CFLAR: variants seen among roughly 807,000 people sequenced by gnomAD.
CFLAR encodes CASP8 and FADD-like apoptosis regulator.
A neutral mutation model predicts 51.1 loss-of-function variants in CFLAR; 14 were observed. The ratio of observed to expected loss-of-function variants is 0.27; its 90% CI spans 0.18 to 0.43. The LOEUF (loss-of-function observed/expected upper bound fraction) is 0.43. CFLAR is among the 20% of genes least tolerant of loss of function. The pLI, the probability that CFLAR is intolerant of heterozygous loss-of-function variation, is 1.00. For synonymous variants in CFLAR, 210 were observed against 211.6 expected, an observed-to-expected ratio of 0.99 and a Z score of 0.06; for missense variants, 390 against 566.5, an observed-to-expected ratio of 0.69 and a Z score of 3.16.
chr2:201,137,026 A>G (rs1187255458), intron 4 of CFLAR: 5 of 175,568 alleles, frequency 2.8e-5, no homozygotes, highest in Non-Finnish European at 1.2e-5. Context: ...GGTAGCCCAG[A>G]GCTGGGGAAG....
chr2:201,158,804 G>A (rs1307313765), intron 8 of CFLAR, among the ~76,000 whole-genome samples: 1 of 151,630 alleles, frequency 6.6e-6, no homozygotes, highest in Non-Finnish European at 1.5e-5. Flanking sequence ...CAAAATTACA[G>A]TCCTGATAAC....
In CFLAR at chr2:201,166,863, C is replaced by G. The variant is rs547608552; in HGVS notation, c.*2890C>G. Reference sequence around the variant, plus strand: ...CCGCAATGGCAGGCACGCGGCAGGCCGAGGCGGGAGAATCAGGCAGGGAGG... The same window carrying G: ...CCGCAATGGCAGGCACGCGGCAGGCGGAGGCGGGAGAATCAGGCAGGGAGG... On this transcript the variant is annotated 3_prime_UTR_variant, in exon 10 of 10. Coordinates refer to ENST00000309955, the MANE Select transcript of CFLAR (RefSeq NM_003879.7). 1 of 155,654 alleles carries G rather than the reference C, an allele frequency of 6.4e-6. No individual in the cohort carries two copies. The highest frequency in any genetic ancestry group is 2.4e-5 in the African/African-American group (1 of 41,416). The allele number at this position is 155,654 out of a possible 1,614,324, so 9.6% of individuals were successfully genotyped here.
intron 8 of CFLAR, among the ~76,000 whole-genome samples, chr2:201,159,405 G>A (rs1023851163): frequency 2.0e-5 from 3 of 152,052 alleles, no homozygotes; most frequent in Non-Finnish European, 4.4e-5. Context: ...CACCTCCTGG[G>A]TTCAAGCGAT....
chr2:201,166,975 G>GAGA lies in CFLAR; in HGVS notation c.*3002_*3003insAGA, dbSNP rs1559268330. ...GTGGGGAGAGGGAGAAGAGAGGGAG[G>GAGA]GGGAGAGGGCTATTTTTAAAATTTT... On this transcript the variant is annotated 3_prime_UTR_variant, in exon 10 of 10. Transcript: ENST00000309955. The GAGA allele has an allele frequency of 1.3e-5, 2 of 150,346 alleles. No individual in the cohort carries two copies. Among genetic ancestry groups the GAGA allele is most frequent in the Admixed American group, 6.6e-5 (1 of 15,118 alleles). The allele number at this position is 150,346 out of a possible 1,614,324, so 9.3% of individuals were successfully genotyped here. A position where few individuals can be genotyped will look rare whatever the true frequency, so the allele number is the denominator to read the frequency against.
Position 201,138,077 on chromosome 2 carries a change from G to C in CFLAR, c.523+1970G>C. The C allele has an allele frequency of 1.4e-6, 1 of 731,606 alleles. No homozygotes were observed. The highest frequency in any genetic ancestry group is 2.5e-6 in the Non-Finnish European group (1 of 393,574). The allele number at this position is 731,606 out of a possible 1,614,324, so 45.3% of individuals were successfully genotyped here. On this transcript the variant is annotated intron_variant, in intron 4 of 9. Transcript: ENST00000309955. The surrounding 1 kb of genome is among the most constrained non-coding windows in gnomAD (Gnocchi z 4.0). ...TCACTTCCTGGTTGATGTAGATGGA[G>C]CCGCGCAGTCCATGCCCCTGCCCAG...
In CFLAR at chr2:201,167,186, G is replaced by A. The variant is rs932840434; in HGVS notation, c.*3213G>A. On this transcript the variant is annotated 3_prime_UTR_variant, in exon 10 of 10. Coordinates refer to ENST00000309955, the MANE Select transcript of CFLAR (RefSeq NM_003879.7). ...AAAGTGTCGAAGAGACAGTTTTCAG[G>A]AACAACAAGCAATTATTCCTACTTT... is the stretch of plus-strand genomic sequence containing the variant. The A allele has an allele frequency of 6.6e-6, 1 of 152,044 alleles. No homozygotes were observed. Among genetic ancestry groups the A allele is most frequent in the African/African-American group, 2.4e-5 (1 of 41,370 alleles). 9.4% of individuals were successfully genotyped at this position (152,044 alleles called of 1,614,324 possible).
intron 1 of CFLAR, among the ~76,000 whole-genome samples, chr2:201,125,842 T>A (rs754289917): frequency 6.6e-6 from 1 of 152,134 alleles, no homozygotes; most frequent in Non-Finnish European, 1.5e-5. Context: ...CGGAACTTGC[T>A]ACTGGAGGTG....
chr2:201,147,215 G>A (rs566405890), intron 6 of CFLAR, among the ~76,000 whole-genome samples: 1 of 152,166 alleles, frequency 6.6e-6, no homozygotes, highest in Non-Finnish European at 1.5e-5. Context: ...CTTGGACTTG[G>A]TTTATTTGCT....
chr2:201,149,999 T>C, intron 8 of CFLAR, 164 bp downstream of exon 8: 2 of 566,510 alleles, frequency 3.5e-6, no homozygotes, highest in Non-Finnish European at 6.4e-6. Flanking sequence ...TCCAGCACTT[T>C]GTGAGGCTGA....
intron 2 of CFLAR, 41 bp downstream of exon 2, chr2:201,130,187 G>GGGGGGGGGGGGGGGGGCA: frequency 3.1e-5 from 9 of 292,356 alleles, no homozygotes; most frequent in East Asian, 1.9e-4. Context: ...GGGTGGGAGG[G>GGGGGGGGGGGGGGGGGCA]AGTGAAGTGT....
intron 1 of CFLAR, among the ~76,000 whole-genome samples, chr2:201,125,476 A>G (rs2048588209): frequency 6.6e-6 from 1 of 151,968 alleles, no homozygotes; most frequent in Non-Finnish European, 1.5e-5. Flanking sequence ...CTGGAGGTAG[A>G]GAGGATGAAG....
intron 8 of CFLAR, chr2:201,153,090 A>T (rs562478435): frequency 3.3e-5 from 5 of 152,334 alleles, no homozygotes; most frequent in African/African-American, 9.6e-5. Flanking sequence ...GGGCCATTAG[A>T]GGGTACCCTG....
Position 201,149,818 on chromosome 2 carries a change from G to A in CFLAR, c.776G>A (p.Cys259Tyr). The A allele has an allele frequency of 6.2e-7, 1 of 1,613,426 alleles. No homozygotes were observed. Among genetic ancestry groups the A allele is most frequent in the Non-Finnish European group, 8.5e-7 (1 of 1,179,376 alleles). Residue 259 changes from cysteine (C) to tyrosine (Y), a missense_variant, in exon 8 of 10, where the codon TGC (cysteine) becomes TAC (tyrosine). Physicochemically the swap from Cys to Tyr is radical, Grantham distance 194. Transcript: ENST00000309955. ...CTAGGAATCTGCCTGATAATCGATT[G>A]CATTGGCAATGAGACAGGTAGGTGT... Reference protein sequence around the residue: ...KPLGICLIIDCIGNETELLRD... With the variant: ...KPLGICLIIDYIGNETELLRD...
intron 4 of CFLAR, chr2:201,136,558 C>A: frequency 6.8e-7 from 1 of 1,466,994 alleles, no homozygotes; most frequent in South Asian, 1.4e-5. Flanking sequence ...AGAGCACATT[C>A]GATTTCTTCC....
chr2:201,121,399 C>A (rs1238796139), intron 1 of CFLAR, among the ~76,000 whole-genome samples: 1 of 152,144 alleles, frequency 6.6e-6, no homozygotes. Flanking sequence ...ATCCCTTTAA[C>A]CTGGGCCATC....
chr2:201,160,791 T>C lies in CFLAR; in HGVS notation c.1153T>C (p.Phe385Leu). 3 of 1,614,120 alleles carry C rather than the reference T, an allele frequency of 1.9e-6. No homozygotes were observed. The highest frequency in any genetic ancestry group is 1.7e-6 in the Non-Finnish European group (2 of 1,180,010). ...VDGPAMKNVE[F>L]KAQKRGLCTV... is the part of the protein sequence containing the mutation. ...TGGGCCAGCGATGAAGAATGTGGAATTCAAGGCTCAGAAGCGAGGGCTGTG... is the reference window on the plus strand; with the variant it reads ...TGGGCCAGCGATGAAGAATGTGGAACTCAAGGCTCAGAAGCGAGGGCTGTG... The change falls in exon 9 of 10, where the codon TTC becomes CTC. Residue 385 changes from phenylalanine to leucine, a missense_variant. Coordinates refer to ENST00000309955, the MANE Select transcript of CFLAR (RefSeq NM_003879.7).
intron 1 of CFLAR, among the ~76,000 whole-genome samples, chr2:201,122,971 C>G (rs2048329551): frequency 6.6e-6 from 1 of 152,170 alleles, no homozygotes; most frequent in South Asian, 2.1e-4. Context: ...AGAGCTATCT[C>G]CTGCAGGACC....
At position 201,138,266 on chromosome 2, in the gene CFLAR, A is replaced by G. The variant is rs2050413232; in HGVS notation, c.524-2091A>G. 3.7e-6 allele frequency: 3 copies of G among 813,942 alleles called. No homozygotes were observed. Among genetic ancestry groups the G allele is most frequent in the East Asian group, 2.4e-5 (1 of 41,106 alleles). 50.4% of individuals were successfully genotyped at this position (813,942 alleles called of 1,614,324 possible). A position where few individuals can be genotyped will look rare whatever the true frequency, so the allele number is the denominator to read the frequency against. ...GTCCAAGCCTATGACATTGACGCCTACCTGGGTGAGCAGGTCCAGGTGGTA... is the reference window on the plus strand; with the variant it reads ...GTCCAAGCCTATGACATTGACGCCTGCCTGGGTGAGCAGGTCCAGGTGGTA... On this transcript the variant is annotated intron_variant, in intron 4 of 9. Coordinates refer to ENST00000309955, the MANE Select transcript of CFLAR (RefSeq NM_003879.7). This position sits in a 1 kb window ranked among gnomAD's most constrained non-coding sequence, Gnocchi z 4.0.
intron 9 of CFLAR, among the ~76,000 whole-genome samples, chr2:201,161,370 C>G (rs190446745): frequency 2.2e-4 from 33 of 151,830 alleles, no homozygotes; most frequent in African/African-American, 7.5e-4. Flanking sequence ...GACCTTGTCT[C>G]CAATAAACAA....
Sources: gnomAD v4.1 joint callset for allele counts (sites outside exome capture counted in the v4.1 genomes callset) on GRCh38, gnomAD v4.1.1 for gene constraint, Gnocchi (gnomAD v3.1) non-coding constraint, MANE v1.5 for transcripts, NCBI Gene and HGNC (gene_info 2026-07-23, HGNC 2026-07-21) for gene names.